SLC13A3: variants seen among roughly 807,000 people sequenced by gnomAD.
SLC13A3 encodes the protein Na(+)/dicarboxylate cotransporter 3.
Under a neutral mutation model 59.0 loss-of-function variants are expected in SLC13A3, and 40 were observed. The observed-to-expected ratio is 0.68, with a 90% confidence interval of 0.53 to 0.88. The LOEUF is 0.88. Among genes scored for constraint, SLC13A3 ranks in the 40% least tolerant of loss-of-function variants. SLC13A3 has a pLI of 0.00. For synonymous variants in SLC13A3, 317 were observed against 330.3 expected, an observed-to-expected ratio of 0.96 and a Z score of 0.44; for missense variants, 699 against 783.2, an observed-to-expected ratio of 0.89 and a Z score of 1.28.
rs571124666 is a variant in SLC13A3, at chr20:46,609,085, C to T, written c.541+1361G>A. The T allele has an allele frequency of 4.3e-5, 67 of 1,546,350 alleles. No individual in the cohort carries two copies. The South Asian group carries it at 5.4e-4, about 12-fold the overall frequency. ...AAAAGAACAAAGGAAGAATCAATGC[C>T]GGGGTTAAACTAGCCATTTCTGCCC... On this transcript the variant is annotated intron_variant, in intron 3 of 12. Transcript: ENST00000279027.
At chr20:46,656,260 TA>T (rs2062989848), upstream of SLC13A3, among the ~76,000 whole-genome samples, 1 of 140,478 alleles carries the variant, frequency 7.1e-6, no homozygotes, top group African/African-American at 2.6e-5. Flanking sequence ...TGTATACTTA[TA>T]TAGACTGTAC....
At chr20:46,599,230 C>A (rs184672811) in intron 4 of SLC13A3, among the ~76,000 whole-genome samples, 92 of 152,368 alleles carry the variant, frequency 6.0e-4, no homozygotes, top group African/African-American at 2.1e-3. Context: ...CCTGGCTCAT[C>A]GTAAGCTCCC....
At chr20:46,655,503 T>C (rs932553504), upstream of SLC13A3, among the ~76,000 whole-genome samples, 1 of 147,838 alleles carries the variant, frequency 6.8e-6, no homozygotes, top group Admixed American at 6.8e-5. Context: ...GTGTGGTATA[T>C]ATATAATATA....
intron 4 of SLC13A3, among the ~76,000 whole-genome samples, chr20:46,598,693 G>A (rs1317636858): frequency 6.6e-6 from 1 of 152,108 alleles, no homozygotes; most frequent in Non-Finnish European, 1.5e-5. Context: ...ATAAGGTCAT[G>A]CCCCTCTCCT....
intron 4 of SLC13A3, among the ~76,000 whole-genome samples, chr20:46,599,292 C>T (rs962515897): frequency 6.6e-6 from 1 of 152,258 alleles, no homozygotes; most frequent in South Asian, 2.1e-4. Flanking sequence ...CCAGCACTGC[C>T]TTGAGCAGAT....
intron 3 of SLC13A3, among the ~76,000 whole-genome samples, chr20:46,607,844 T>C (rs2062451264): frequency 1.3e-5 from 2 of 152,234 alleles, no homozygotes; most frequent in African/African-American, 2.4e-5. Flanking sequence ...GTGGGAGGAC[T>C]CTTTTTAATT....
chr20:46,629,240 A>C (rs1383311258), intron 1 of SLC13A3, among the ~76,000 whole-genome samples: 1 of 152,240 alleles, frequency 6.6e-6, no homozygotes, highest in East Asian at 1.9e-4. Flanking sequence ...GAGAATTAGC[A>C]GATATTTAAT....
At chr20:46,632,163 C>T (rs1014625617) in intron 1 of SLC13A3, among the ~76,000 whole-genome samples, 4 of 152,182 alleles carry the variant, frequency 2.6e-5, no homozygotes, top group African/African-American at 9.7e-5. Flanking sequence ...CCTCCTGCTG[C>T]CTACGAGAGT....
At chr20:46,566,453 G>C (rs773298695) in intron 10 of SLC13A3, 63 bp from the exon 11 acceptor site, 1 of 1,544,702 alleles carries the variant, frequency 6.5e-7, no homozygotes, top group Non-Finnish European at 8.8e-7. Context: ...CCCCAGAGAG[G>C]GTTAGGATAG....
At chr20:46,662,866 C>G (rs2063039677) in intron 1 of SLC13A3, among the ~76,000 whole-genome samples, 1 of 152,148 alleles carries the variant, frequency 6.6e-6, no homozygotes, top group Non-Finnish European at 1.5e-5. Flanking sequence ...AAATAAGAAA[C>G]AAAGTAAATT....
intron 9 of SLC13A3, among the ~76,000 whole-genome samples, chr20:46,576,533 T>G (rs2062078699): frequency 6.6e-6 from 1 of 152,174 alleles, no homozygotes. Context: ...CAATGATGCA[T>G]CTGCAGGGAG....
chr20:46,674,464 T>G (rs1224454356), upstream of SLC13A3, among the ~76,000 whole-genome samples: 1 of 152,198 alleles, frequency 6.6e-6, no homozygotes, highest in African/African-American at 2.4e-5. Flanking sequence ...AGTCAAGGTT[T>G]ACAAACACGG....
intron 1 of SLC13A3, among the ~76,000 whole-genome samples, chr20:46,638,535 C>A (rs1050765583): frequency 6.6e-6 from 1 of 152,232 alleles, no homozygotes. Context: ...TCCAGTGAAG[C>A]CTGGAGCTGG....
chr20:46,590,905 C>T (rs2062247291), intron 6 of SLC13A3, among the ~76,000 whole-genome samples: 1 of 151,840 alleles, frequency 6.6e-6, no homozygotes, highest in South Asian at 2.1e-4. Flanking sequence ...GTGGCTCATG[C>T]CTGTAATCCC....
At chr20:46,633,949 A>T (rs745818745) in intron 1 of SLC13A3, among the ~76,000 whole-genome samples, 4 of 152,222 alleles carry the variant, frequency 2.6e-5, no homozygotes, top group Non-Finnish European at 5.9e-5. Context: ...TTCTCTGCCC[A>T]TGTGTGTACA....
Position 46,583,618 on chromosome 20 carries a change from G to T in SLC13A3, c.1173C>A (p.Phe391Leu). 1 of 1,613,816 alleles carries T rather than the reference G, an allele frequency of 6.2e-7. No individual in the cohort carries two copies. Among genetic ancestry groups the T allele is most frequent in the Non-Finnish European group, 8.5e-7 (1 of 1,179,950 alleles). ...TGAGAGAGGGCCTTTGGGACGGGAA[G>T]AAGAACAAGATGGTGACAATAGCCA... ...TGVAIVTILFFFPSQRPSLKW... is the reference protein window; with the variant it reads ...TGVAIVTILFLFPSQRPSLKW... The change falls in exon 9 of 13, where the codon TTC (phenylalanine) becomes TTA (leucine). Residue 391 changes from phenylalanine to leucine, a missense_variant. Physicochemically the swap from Phe to Leu is conservative, Grantham distance 22 (BLOSUM62 0). Transcript: ENST00000279027.
chr20:46,655,064 C>A (rs1294245432), upstream of SLC13A3, among the ~76,000 whole-genome samples: 1 of 151,976 alleles, frequency 6.6e-6, no homozygotes, highest in East Asian at 1.9e-4. Flanking sequence ...AGGTAAGGTT[C>A]ATTTCTCTTT....
chr20:46,655,254 C>T (rs545754008), upstream of SLC13A3, among the ~76,000 whole-genome samples: 15 of 150,602 alleles, frequency 1.0e-4, no homozygotes, highest in African/African-American at 2.7e-4. Flanking sequence ...TATATACACA[C>T]GTATATACAC....
chr20:46,639,920 T>A (rs1256540383), intron 1 of SLC13A3, among the ~76,000 whole-genome samples: 1 of 152,166 alleles, frequency 6.6e-6, no homozygotes, highest in Non-Finnish European at 1.5e-5. Flanking sequence ...GAGGTTTGAA[T>A]CTTACCTCGG....
Sources: gnomAD v4.1 joint callset for allele counts (sites outside exome capture counted in the v4.1 genomes callset) on GRCh38, gnomAD v4.1.1 for gene constraint, MANE v1.5 for transcripts, NCBI Gene and HGNC (gene_info 2026-07-23, HGNC 2026-07-21) for gene names.